Variants in IPMK observed in about 807,000 individuals in gnomAD.
IPMK encodes inositol 1,3,4,6-tetrakisphosphate 5-kinase.
In IPMK, 17 loss-of-function variants were observed where a neutral mutation model predicts 45.8. That is an observed-to-expected ratio of 0.37 (90% CI 0.25 to 0.56). IPMK has a LOEUF of 0.56. Ranked by LOEUF, IPMK falls within the 20% of genes least tolerant of loss-of-function variation. The pLI, the probability that IPMK is intolerant of heterozygous loss-of-function variation, is 0.79. For missense variants in IPMK, 399 were observed against 498.0 expected (o/e 0.80, Z 1.89); for synonymous variants, 180 against 184.3 (o/e 0.98, Z 0.19).
At chr10:58,266,812 C>T (rs531655977) in intron 1 of IPMK, among the ~76,000 whole-genome samples, 3 of 152,282 alleles carry the variant, frequency 2.0e-5, no homozygotes, top group Admixed American at 2.0e-4. Context: ...GAATTTCCCA[C>T]CAGGAATCCG....
chr10:58,191,774 C>G lies in IPMK; in HGVS notation c.*4302G>C, dbSNP rs182787301. The G allele has an allele frequency of 2.3e-3, 344 of 152,048 alleles. No homozygotes were observed. Among genetic ancestry groups the G allele is most frequent in the African/African-American group, 8.0e-3 (330 of 41,502 alleles). 9.4% of individuals were successfully genotyped at this position (152,048 alleles called of 1,614,324 possible). A position where few individuals can be genotyped will look rare whatever the true frequency, so the allele number is the denominator to read the frequency against. On this transcript the variant is annotated 3_prime_UTR_variant, in exon 6 of 6. Transcript: ENST00000373935. ...ACTAAATACATTCATTCATCAAGTA[C>G]AATAAATTTAGCATTGCTGCTTATA...
rs1223159284 is a variant in IPMK, at chr10:58,259,475, TG to T, written c.190+7946del. ...TCCACCTTAATAATGAATGAATGAA[TG>T]AATGAATGAATGAATGAGGAGGGAA... On this transcript the variant is annotated intron_variant, in intron 1 of 5. Coordinates refer to ENST00000373935, the MANE Select transcript of IPMK (RefSeq NM_152230.5). Among the ~76,000 whole-genome samples, 58 of 151,542 alleles carry T rather than the reference TG, an allele frequency of 3.8e-4. 2 individuals carry two copies. Among genetic ancestry groups the T allele is most frequent in the African/African-American group, 1.3e-3 (55 of 41,184 alleles).
chr10:58,267,363 T>C, intron 1 of IPMK, 59 bp downstream of exon 1: 1 of 1,572,522 alleles, frequency 6.4e-7, no homozygotes, highest in Non-Finnish European at 8.7e-7. Context: ...CTGCCTCCGC[T>C]GACAGGGGGC....
At chr10:58,212,091 A>C (rs191090445) in intron 4 of IPMK, among the ~76,000 whole-genome samples, 1 of 151,958 alleles carries the variant, frequency 6.6e-6, no homozygotes, top group Admixed American at 6.6e-5. Context: ...GGTCCACTTC[A>C]GATGTTGGCA....
chr10:58,263,492 C>T (rs542181169), intron 1 of IPMK, among the ~76,000 whole-genome samples: 2 of 151,594 alleles, frequency 1.3e-5, no homozygotes, highest in East Asian at 3.9e-4. Context: ...CCACTGTTCT[C>T]CAGCCTGGGC....
chr10:58,206,026 TA>T (rs1838065385), intron 4 of IPMK, among the ~76,000 whole-genome samples: 1 of 152,190 alleles, frequency 6.6e-6, no homozygotes, highest in Admixed American at 6.5e-5. Context: ...CAGTTATTAG[TA>T]GCCCAGAAGT....
chr10:58,245,081 TA>T (rs140131121), intron 1 of IPMK, among the ~76,000 whole-genome samples: 49,851 of 148,414 alleles, frequency 0.34, 10,437 homozygotes, highest in African/African-American at 0.6. Context: ...CAAATTAAAA[TA>T]AAAAAATTAA....
chr10:58,202,992 T>C (rs1401720323), intron 4 of IPMK, among the ~76,000 whole-genome samples: 2 of 152,208 alleles, frequency 1.3e-5, no homozygotes, highest in East Asian at 3.8e-4. Context: ...CAGCTGCCAT[T>C]GATAGTAATT....
rs749979486 is a variant in IPMK, at chr10:58,237,719, C to T, written c.276+10G>A. 1.9e-6 allele frequency: 3 copies of T among 1,599,466 alleles called. No homozygotes were observed. The highest frequency in any genetic ancestry group is 1.7e-6 in the Non-Finnish European group (2 of 1,167,986). On this transcript the variant is annotated intron_variant, in intron 2 of 5. Transcript: ENST00000373935. ...TTTGAAGACAACAAAACAAATCTTA[C>T]CTCACTTACCATATTATAGAATTCC...
chr10:58,257,377 C>T (rs1564541271), intron 1 of IPMK, among the ~76,000 whole-genome samples: 1 of 152,104 alleles, frequency 6.6e-6, no homozygotes, highest in Admixed American at 6.6e-5. Flanking sequence ...TGCCTGTAGT[C>T]CCAGCCACTC....
intron 1 of IPMK, 23 bp from the exon 2 acceptor site, chr10:58,237,837 T>C: frequency 6.5e-7 from 1 of 1,532,796 alleles, no homozygotes; most frequent in Non-Finnish European, 9.0e-7. Context: ...AATCAGAAAT[T>C]GTTTAATGCT....
At chr10:58,249,658 T>A (rs1838854561) in intron 1 of IPMK, among the ~76,000 whole-genome samples, 1 of 152,228 alleles carries the variant, frequency 6.6e-6, no homozygotes, top group Admixed American at 6.5e-5. Context: ...AGGCTGTCAC[T>A]CTGTTGATTG....
chr10:58,232,589 A>G (rs1200763838), intron 2 of IPMK, among the ~76,000 whole-genome samples: 1 of 152,256 alleles, frequency 6.6e-6, no homozygotes, highest in Non-Finnish European at 1.5e-5. Flanking sequence ...AACTGGGTAC[A>G]TAACGAAATG....
intron 5 of IPMK, among the ~76,000 whole-genome samples, chr10:58,197,240 C>T (rs1837911588): frequency 6.6e-6 from 1 of 151,722 alleles, no homozygotes; most frequent in Non-Finnish European, 1.5e-5. Flanking sequence ...GTGGAGCTTG[C>T]AGTGAGCCAA....
chr10:58,259,547 T>C (rs1839024692), intron 1 of IPMK, among the ~76,000 whole-genome samples: 1 of 151,908 alleles, frequency 6.6e-6, no homozygotes, highest in South Asian at 2.1e-4. Context: ...GTAATAGGAA[T>C]GAGGGCTGGG....
chr10:58,267,550 G>C lies in IPMK; in HGVS notation c.62C>G (p.Thr21Ser), dbSNP rs781422552. 1 of 1,611,446 alleles carries C rather than the reference G, an allele frequency of 6.2e-7. No homozygotes were observed. Among genetic ancestry groups the C allele is most frequent in the Non-Finnish European group, 8.5e-7 (1 of 1,179,084 alleles). ...VEAPGPPEMRTSPAIESTPEG... is the reference protein window; with the variant it reads ...VEAPGPPEMRSSPAIESTPEG... Reference sequence around the variant, plus strand: ...AGGGGTGGACTCGATCGCCGGTGAGGTCCGCATTTCTGGGGGGCCCGGCGC... The same window carrying C: ...AGGGGTGGACTCGATCGCCGGTGAGCTCCGCATTTCTGGGGGGCCCGGCGC... The change falls in exon 1 of 6, where the codon ACC (threonine) becomes AGC (serine). Residue 21 changes from threonine (T) to serine (S), a missense_variant. Thr to Ser is a moderately conservative substitution (Grantham distance 58). This residue lies in a region of IPMK where 111 missense variants were observed against 99.9 expected (regional missense o/e 1.11). Transcript: ENST00000373935.
chr10:58,197,419 G>A lies in IPMK; in HGVS notation c.629-721C>T, dbSNP rs1237255242. Among the ~76,000 whole-genome samples the A allele has an allele frequency of 3.3e-5, 5 of 151,424 alleles. No individual in the cohort carries two copies. The East Asian group carries it at 9.8e-4, about 30-fold the overall frequency. On this transcript the variant is annotated intron_variant, in intron 5 of 5. Coordinates refer to ENST00000373935, the MANE Select transcript of IPMK (RefSeq NM_152230.5). ...TAATCCCAGCACTTTGGGAGGCCGA[G>A]GTGGGCGGATCACGAGGTCAGGAGA...
chr10:58,251,866 T>G (rs373238509), intron 1 of IPMK, among the ~76,000 whole-genome samples: 4 of 152,238 alleles, frequency 2.6e-5, no homozygotes, highest in Non-Finnish European at 5.9e-5. Flanking sequence ...AATCTGTGCA[T>G]GTCTTTAAAG....
chr10:58,218,865 T>C (rs377414367), intron 3 of IPMK, among the ~76,000 whole-genome samples: 8 of 152,322 alleles, frequency 5.3e-5, no homozygotes, highest in African/African-American at 1.9e-4. Flanking sequence ...GCAAACTCTA[T>C]ATATAGTGGA....
Sources: allele counts gnomAD v4.1 joint callset (sites outside exome capture counted in the v4.1 genomes callset), GRCh38; gene constraint gnomAD v4.1.1; regional missense constraint gnomAD v4.1.1; transcripts MANE v1.5; gene names NCBI Gene and HGNC (gene_info 2026-07-23, HGNC 2026-07-21).